KCNAB2: variants seen among roughly 807,000 people sequenced by gnomAD.
The protein encoded by KCNAB2 is voltage-gated potassium channel subunit beta-2.
KCNAB2 carries 29 observed loss-of-function variants against 63.6 expected under a neutral mutation model. The observed-to-expected ratio is 0.46, with a 90% CI of 0.34 to 0.62. KCNAB2 has a LOEUF of 0.62. Among genes scored for constraint, KCNAB2 ranks in the 20% least tolerant of loss-of-function variants. The pLI, the probability that KCNAB2 is intolerant of heterozygous loss-of-function variation, is 0.01. For synonymous variants in KCNAB2, 222 were observed against 224.2 expected (o/e 0.99, Z 0.09); for missense variants, 359 against 563.9 (o/e 0.64, Z 3.68).
chr1:6,010,078 C>T (rs1167950293), intron 1 of KCNAB2, among the ~76,000 whole-genome samples: 3 of 151,996 alleles, frequency 2.0e-5, no homozygotes, highest in South Asian at 2.1e-4. Flanking sequence ...GGTTTCACCA[C>T]GTTGGCCAGG....
intron 1 of KCNAB2, among the ~76,000 whole-genome samples, chr1:6,018,391 A>G (rs770946818): frequency 6.6e-6 from 1 of 152,098 alleles, no homozygotes; most frequent in Non-Finnish European, 1.5e-5. Context: ...TCTGTCCCCC[A>G]AGATTGATAG....
At chr1:6,063,375 A>G (rs558364189) in intron 2 of KCNAB2, among the ~76,000 whole-genome samples, 1 of 148,476 alleles carries the variant, frequency 6.7e-6, no homozygotes, top group African/African-American at 2.5e-5. Context: ...ACTTAGCATC[A>G]TGTTTTCAAG....
chr1:6,049,216 T>C (rs1271790974), intron 1 of KCNAB2, among the ~76,000 whole-genome samples: 6 of 152,184 alleles, frequency 3.9e-5, no homozygotes, highest in Middle Eastern at 3.2e-3. Context: ...CTGGTTGGCC[T>C]TTTGGAGCCT....
rs1222893179 is a variant in KCNAB2 at position 6,100,050 on chromosome 1, A to G, written c.*1476A>G. 3 of 1,504,002 alleles carry G rather than the reference A, an allele frequency of 2.0e-6. No homozygotes were observed. Among genetic ancestry groups the G allele is most frequent in the East Asian group, 4.9e-5 (2 of 40,496 alleles). 93.2% of individuals were successfully genotyped at this position (1,504,002 alleles called of 1,614,324 possible). A position where few individuals can be genotyped will look rare whatever the true frequency, so the allele number is the denominator to read the frequency against. On this transcript the variant is annotated 3_prime_UTR_variant, in exon 16 of 16. Coordinates refer to ENST00000378083, the MANE Select transcript of KCNAB2 (RefSeq NM_001199862.2). ...AGGGAAGCCTGTGTCTCCTGCCCCCAGGGCGCACCCTCAGTGCAGGCACCT... is the reference window on the plus strand; with the variant it reads ...AGGGAAGCCTGTGTCTCCTGCCCCCGGGGCGCACCCTCAGTGCAGGCACCT...
chr1:6,071,164 T>C lies in KCNAB2; in HGVS notation c.219-1591T>C, dbSNP rs928047716. Among the ~76,000 whole-genome samples, 1 of 152,156 alleles carries C rather than the reference T, an allele frequency of 6.6e-6. No individual in the cohort carries two copies. The highest frequency in any genetic ancestry group is 2.4e-5 in the African/African-American group (1 of 41,428). The stretch of plus-strand genomic sequence containing the variant: ...CGTGTCAGAAGTCGGGGGTTCAGAA[T>C]GAGGCTTGAGCCCCATGCCGCCTTC... On this transcript the variant is annotated intron_variant, in intron 2 of 15. Coordinates refer to ENST00000378083, the MANE Select transcript of KCNAB2 (RefSeq NM_001199862.2). The surrounding 1 kb of genome is among the most constrained non-coding windows in gnomAD (Gnocchi z 8.5).
Position 6,096,871 on chromosome 1 carries a change from G to A in KCNAB2, c.1069+115G>A. 1.5e-6 allele frequency: 2 copies of A among 1,322,298 alleles called. No homozygotes were observed. The highest frequency in any genetic ancestry group is 2.6e-5 in the East Asian group (1 of 38,618). 81.9% of individuals were successfully genotyped at this position (1,322,298 alleles called of 1,614,324 possible). A position where few individuals can be genotyped will look rare whatever the true frequency, so the allele number is the denominator to read the frequency against. ...AGTGTCTCCGGGGAGAGAGGGAAGGGATCCCTGGACATCATCCCCCAGCCA... is the reference window on the plus strand; with the variant it reads ...AGTGTCTCCGGGGAGAGAGGGAAGGAATCCCTGGACATCATCCCCCAGCCA... On this transcript the variant is annotated intron_variant, in intron 14 of 15. Transcript: ENST00000378083. This position sits in a 1 kb window ranked among gnomAD's most constrained non-coding sequence, Gnocchi z 5.9.
intron 1 of KCNAB2, among the ~76,000 whole-genome samples, chr1:5,997,273 C>T (rs546758268): frequency 6.6e-6 from 1 of 152,278 alleles, no homozygotes; most frequent in African/African-American, 2.4e-5. Flanking sequence ...GACCTCTTGG[C>T]AGTCTCTCAG....
chr1:6,006,688 G>GGT (rs1657803883), intron 1 of KCNAB2, among the ~76,000 whole-genome samples: 1 of 53,346 alleles, frequency 1.9e-5, no homozygotes, highest in African/African-American at 7.9e-5. Context: ...CCTCAGCTCA[G>GGT]CTCCCACATC....
Position 6,096,417 on chromosome 1 carries a change from G to A in KCNAB2, c.949-219G>A, listed in dbSNP as rs1195059596. ...CCACAGTCTTTGCACTTCAGAGCCT[G>A]GACAGGCCCCGCTCATCCACCAGCC... On this transcript the variant is annotated intron_variant, in intron 13 of 15. Transcript: ENST00000378083. This position sits in a 1 kb window ranked among gnomAD's most constrained non-coding sequence, Gnocchi z 5.9. The A allele has an allele frequency of 8.1e-6, 5 of 618,158 alleles. No individual in the cohort carries two copies. Among genetic ancestry groups the A allele is most frequent in the Non-Finnish European group, 1.4e-5 (5 of 354,264 alleles). 38.3% of individuals were successfully genotyped at this position (618,158 alleles called of 1,614,324 possible).
At position 6,071,262 on chromosome 1, in the gene KCNAB2, G is replaced by A. The variant is rs569691082; in HGVS notation, c.219-1493G>A. ...ATCCTCCGAAGTTGGAAGTGTCATG[G>A]CCCCAGGGAAATGCAGGGCCCTTGG... On this transcript the variant is annotated intron_variant, in intron 2 of 15. Coordinates refer to ENST00000378083, the MANE Select transcript of KCNAB2 (RefSeq NM_001199862.2). The surrounding 1 kb of genome is among the most constrained non-coding windows in gnomAD (Gnocchi z 8.5). Among the ~76,000 whole-genome samples, 1 of 152,226 alleles carries A rather than the reference G, an allele frequency of 6.6e-6. No individual in the cohort carries two copies. Among genetic ancestry groups the A allele is most frequent in the Non-Finnish European group, 1.5e-5 (1 of 68,044 alleles).
chr1:6,076,194 G>A (rs1310900069), intron 4 of KCNAB2, among the ~76,000 whole-genome samples: 1 of 152,236 alleles, frequency 6.6e-6, no homozygotes, highest in Non-Finnish European at 1.5e-5. Flanking sequence ...GCCATGCCAG[G>A]GACAAAATGA....
intron 1 of KCNAB2, among the ~76,000 whole-genome samples, chr1:6,050,604 A>G (rs1661302890): frequency 1.3e-5 from 2 of 152,222 alleles, no homozygotes; most frequent in Admixed American, 1.3e-4. Flanking sequence ...GAGATGCCTC[A>G]TTCTTGACAG....
intron 2 of KCNAB2, among the ~76,000 whole-genome samples, chr1:6,054,741 G>A (rs920381528): frequency 1.3e-5 from 2 of 152,182 alleles, no homozygotes; most frequent in African/African-American, 4.8e-5. Flanking sequence ...ATTCTGATTG[G>A]TTGCAGAAAG....
rs79403991 is a variant in KCNAB2 at position 6,058,671 on chromosome 1, C to G, written c.218+6917C>G. ...TGTCTATCCATCTTGGGGTCTCACT[C>G]GTGCACCTAGTCTCACTTAGAGATG... On this transcript the variant is annotated intron_variant, in intron 2 of 15. Coordinates refer to ENST00000378083, the MANE Select transcript of KCNAB2 (RefSeq NM_001199862.2). Among the ~76,000 whole-genome samples, 1,077 of 152,324 alleles carry G rather than the reference C, an allele frequency of 7.1e-3. 13 individuals are homozygous for G. The highest frequency in any genetic ancestry group is 0.025 in the African/African-American group (1,022 of 41,574).
chr1:6,084,950 C>T (rs1162713382), intron 5 of KCNAB2, among the ~76,000 whole-genome samples: 1 of 152,244 alleles, frequency 6.6e-6, no homozygotes, highest in Non-Finnish European at 1.5e-5. Context: ...CTGGGGCCGC[C>T]ACTGCTTAGA....
chr1:6,045,086 G>A (rs184118633), upstream of KCNAB2, among the ~76,000 whole-genome samples: 104 of 152,200 alleles, frequency 6.8e-4, no homozygotes, highest in African/African-American at 2.4e-3. The surrounding 1 kb of genome is among the most constrained non-coding windows in gnomAD (Gnocchi z 4.8). Context: ...CTAGTCACCC[G>A]CAGCCAGGCA....
At position 6,100,232 on chromosome 1, in the gene KCNAB2, G is replaced by T. The variant is rs1665942577; in HGVS notation, c.*1658G>T. 2.6e-6 allele frequency: 2 copies of T among 778,360 alleles called. No homozygotes were observed. The highest frequency in any genetic ancestry group is 3.7e-6 in the Non-Finnish European group (2 of 534,646). The allele number at this position is 778,360 out of a possible 1,614,324, so 48.2% of individuals were successfully genotyped here. ...AGAGGCTGGGGCGAGGGGAGGAGGG[G>T]GATCAGCTTCTGCTATTACCGACCC... is the stretch of plus-strand genomic sequence containing the variant. On this transcript the variant is annotated 3_prime_UTR_variant, in exon 16 of 16. Coordinates refer to ENST00000378083, the MANE Select transcript of KCNAB2 (RefSeq NM_001199862.2).
At chr1:6,075,602 G>C (rs931009270) in intron 4 of KCNAB2, among the ~76,000 whole-genome samples, 5 of 152,314 alleles carry the variant, frequency 3.3e-5, no homozygotes, top group East Asian at 3.9e-4. Flanking sequence ...CATCTAGAAG[G>C]GGGGGCCCGC....
chr1:6,081,127 C>T (rs185996636), intron 4 of KCNAB2, among the ~76,000 whole-genome samples: 3 of 152,356 alleles, frequency 2.0e-5, no homozygotes, highest in Admixed American at 2.0e-4. Flanking sequence ...GCTCATGGAG[C>T]ACAATCGCGT....
Sources: gnomAD v4.1 joint callset for allele counts (sites outside exome capture counted in the v4.1 genomes callset) on GRCh38, gnomAD v4.1.1 for gene constraint, Gnocchi (gnomAD v3.1) non-coding constraint, MANE v1.5 for transcripts, NCBI Gene and HGNC (gene_info 2026-07-23, HGNC 2026-07-21) for gene names.